Variants in ELAPOR2 observed in about 807,000 individuals in gnomAD.
ELAPOR2 encodes endosome-lysosome associated apoptosis and autophagy regulator family member 2.
A neutral mutation model predicts 120.7 loss-of-function variants in ELAPOR2; 89 were observed. The ratio of observed to expected loss-of-function variants is 0.74; its 90% CI spans 0.62 to 0.88. The LOEUF is 0.88. Among genes scored for constraint, ELAPOR2 ranks in the 40% least tolerant of loss-of-function variants. The probability of loss-of-function intolerance (pLI) is 0.00; values close to 1 mark genes in which losing one functional copy is unlikely to be tolerated. For synonymous variants in ELAPOR2, 444 were observed against 444.9 expected (o/e 1.00, Z 0.03); for missense variants, 1,134 against 1,251.6 (o/e 0.91, Z 1.42).
chr7:86,961,482 C>A (rs1416910864), intron 2 of ELAPOR2, among the ~76,000 whole-genome samples: 1 of 152,204 alleles, frequency 6.6e-6, no homozygotes, highest in African/African-American at 2.4e-5. Flanking sequence ...AAGGAACTCT[C>A]TCCCTACTTA....
chr7:86,951,825 G>A (rs954998068), intron 2 of ELAPOR2, among the ~76,000 whole-genome samples: 11 of 152,090 alleles, frequency 7.2e-5, no homozygotes, highest in East Asian at 3.8e-4. Flanking sequence ...TTGTTAATTC[G>A]TTAATGTTGA....
chr7:86,934,923 CA>C (rs1790502045), intron 8 of ELAPOR2, among the ~76,000 whole-genome samples: 3 of 151,962 alleles, frequency 2.0e-5, no homozygotes, highest in African/African-American at 7.2e-5. Flanking sequence ...TCTTATCAAC[CA>C]TCACATTTTG....
chr7:86,898,360 G>C lies in ELAPOR2; in HGVS notation c.2559-728C>G, dbSNP rs370833312. On this transcript the variant is annotated intron_variant, in intron 18 of 21. Transcript: ENST00000450689. Reference sequence around the variant, plus strand: ...GCTGGGAAGTGGACTAGGGCATAGGGGACTGAGAGCTAAAGGATATGAGGT... The same window carrying C: ...GCTGGGAAGTGGACTAGGGCATAGGCGACTGAGAGCTAAAGGATATGAGGT... Among the ~76,000 whole-genome samples, 15 of 152,180 alleles carry C rather than the reference G, an allele frequency of 9.9e-5. No individual in the cohort carries two copies. In the East Asian group the frequency reaches 1.7e-3, roughly 18 times the overall value.
intron 2 of ELAPOR2, among the ~76,000 whole-genome samples, chr7:86,952,345 A>T (rs749766194): frequency 9.9e-5 from 15 of 152,210 alleles, no homozygotes; most frequent in African/African-American, 2.2e-4. Flanking sequence ...TAACCTGATT[A>T]AAAAGGTTAA....
chr7:87,005,414 G>A (rs1017138275), intron 1 of ELAPOR2, among the ~76,000 whole-genome samples: 3 of 152,128 alleles, frequency 2.0e-5, no homozygotes, highest in Non-Finnish European at 4.4e-5. Context: ...ATATGTGCTA[G>A]ATCCACACAT....
At chr7:86,921,033 A>G (rs1789806414) in intron 10 of ELAPOR2, among the ~76,000 whole-genome samples, 1 of 152,090 alleles carries the variant, frequency 6.6e-6, no homozygotes, top group African/African-American at 2.4e-5. Flanking sequence ...TGTGGTGTTC[A>G]GTGCTTCTTT....
intron 1 of ELAPOR2, among the ~76,000 whole-genome samples, chr7:86,982,637 C>G (rs540071241): frequency 1.6e-4 from 25 of 152,192 alleles, no homozygotes; most frequent in Non-Finnish European, 2.8e-4. Flanking sequence ...GGAATAGCAT[C>G]AACATCAACA....
At chr7:86,903,873 T>C (rs935623079) in intron 18 of ELAPOR2, among the ~76,000 whole-genome samples, 1 of 152,328 alleles carries the variant, frequency 6.6e-6, no homozygotes, top group Non-Finnish European at 1.5e-5. Flanking sequence ...AAGACCCTGT[T>C]TGAGGAAAGA....
At chr7:86,904,547 T>A (rs1788879077) in intron 18 of ELAPOR2, among the ~76,000 whole-genome samples, 1 of 152,206 alleles carries the variant, frequency 6.6e-6, no homozygotes, top group Admixed American at 6.5e-5. Context: ...GTACCGTTTT[T>A]ATCTAAAATG....
intron 1 of ELAPOR2, among the ~76,000 whole-genome samples, chr7:86,980,326 G>A (rs1049968758): frequency 6.6e-6 from 1 of 152,190 alleles, no homozygotes; most frequent in East Asian, 1.9e-4. Flanking sequence ...GAACAATTCT[G>A]TCTTTGCTGT....
intron 18 of ELAPOR2, among the ~76,000 whole-genome samples, chr7:86,899,312 T>C (rs1484741598): frequency 6.6e-6 from 1 of 152,160 alleles, no homozygotes; most frequent in South Asian, 2.1e-4. Context: ...GTTTTGTTCA[T>C]GAATTCATTA....
chr7:87,056,955 T>G (rs1795284207), intron 1 of ELAPOR2, among the ~76,000 whole-genome samples: 1 of 152,224 alleles, frequency 6.6e-6, no homozygotes, highest in African/African-American at 2.4e-5. Context: ...CTCAACATTC[T>G]CTCACATTGA....
intron 1 of ELAPOR2, among the ~76,000 whole-genome samples, chr7:87,040,705 C>T (rs1035882369): frequency 6.6e-6 from 1 of 152,236 alleles, no homozygotes; most frequent in Non-Finnish European, 1.5e-5. Flanking sequence ...AAGCAGAGCG[C>T]CTCTCCTCCT....
rs144422958 is a variant in ELAPOR2, at chr7:86,918,114, A to C, written c.1593+328T>G. ...TAGTTCAAATAGCTGAATGGTTATC[A>C]GGTGAGAATTTTCATTCTGCTGGTG... On this transcript the variant is annotated intron_variant, in intron 12 of 21. Transcript: ENST00000450689. Among the ~76,000 whole-genome samples, 254 of 152,124 alleles carry C rather than the reference A, an allele frequency of 1.7e-3. 5 individuals are homozygous for C. The East Asian group carries it at 0.047, about 28-fold the overall frequency.
At chr7:87,054,486 A>C (rs1343748172) in intron 1 of ELAPOR2, among the ~76,000 whole-genome samples, 1 of 152,208 alleles carries the variant, frequency 6.6e-6, no homozygotes, top group Non-Finnish European at 1.5e-5. Flanking sequence ...TAGTTACGTT[A>C]ACTGCTTGAA....
chr7:87,039,717 T>TAA (rs201519013), intron 1 of ELAPOR2, among the ~76,000 whole-genome samples: 7 of 151,660 alleles, frequency 4.6e-5, no homozygotes, highest in African/African-American at 1.7e-4. Context: ...CCCTTTATGA[T>TAA]AAAAAAAAAT....
chr7:87,018,102 G>A (rs761877703), intron 1 of ELAPOR2, among the ~76,000 whole-genome samples: 23 of 151,800 alleles, frequency 1.5e-4, no homozygotes, highest in African/African-American at 4.6e-4. Flanking sequence ...GTACAGTGGC[G>A]CAATCTCAGC....
intron 1 of ELAPOR2, among the ~76,000 whole-genome samples, chr7:87,046,307 C>A (rs1294646561): frequency 6.6e-6 from 1 of 152,074 alleles, no homozygotes. Flanking sequence ...CAAGAGGCCA[C>A]CAAAAAATGG....
intron 1 of ELAPOR2, among the ~76,000 whole-genome samples, chr7:86,986,561 C>A (rs564477026): frequency 7.9e-6 from 1 of 127,248 alleles, no homozygotes; most frequent in South Asian, 2.2e-4. Context: ...CATTAACAGA[C>A]AAACAGACAA....
Sources: allele counts gnomAD v4.1 joint callset (sites outside exome capture counted in the v4.1 genomes callset), GRCh38; gene constraint gnomAD v4.1.1; transcripts MANE v1.5; gene names NCBI Gene and HGNC (gene_info 2026-07-23, HGNC 2026-07-21).